The following UBAP1 variants were observed in gnomAD, a reference collection of about 807,000 sequenced individuals.
The protein encoded by UBAP1 is ubiquitin associated protein 1, also known as ubiquitin-associated protein 1.
Under a neutral mutation model 39.0 loss-of-function variants are expected in UBAP1, and 5 were observed. The ratio of observed to expected loss-of-function variants is 0.13; its 90% CI spans 0.07 to 0.27. UBAP1 has a LOEUF of 0.27. UBAP1 is among the 10% of genes least tolerant of loss of function. The pLI is 1.00. For synonymous variants in UBAP1, 211 were observed against 225.1 expected, an observed-to-expected ratio of 0.94 and a Z score of 0.56; for missense variants, 490 against 608.1, an observed-to-expected ratio of 0.81 and a Z score of 2.04.
rs573047191 is a variant in UBAP1, at chr9:34,213,669, A to G, written c.-7-7239A>G. On this transcript the variant is annotated intron_variant, in intron 1 of 6. Coordinates refer to ENST00000297661, the MANE Select transcript of UBAP1 (RefSeq NM_016525.5). ...CAACATAGTACTGGAAGTCCTAGCC[A>G]GAACATTCAGACAAGGGAAAGAAAG... Among the ~76,000 whole-genome samples, 17 of 152,324 alleles carry G rather than the reference A, an allele frequency of 1.1e-4. No individual in the cohort carries two copies. In the South Asian group the frequency reaches 3.5e-3, roughly 32 times the overall value.
At position 34,214,940 on chromosome 9, in the gene UBAP1, C is replaced by T. The variant is rs1040163842; in HGVS notation, c.-7-5968C>T. On this transcript the variant is annotated intron_variant, in intron 1 of 6. Coordinates refer to ENST00000297661, the MANE Select transcript of UBAP1 (RefSeq NM_016525.5). The stretch of plus-strand genomic sequence containing the variant: ...ACCACAATGTGATACCACCTTACTC[C>T]TGCAAGAATGGCCATAATAAAAAAA... Among the ~76,000 whole-genome samples the T allele has an allele frequency of 2.0e-5, 3 of 152,288 alleles. No individual in the cohort carries two copies. The East Asian group carries it at 5.8e-4, about 29-fold the overall frequency.
At chr9:34,225,935 C>G (rs1281417858) in intron 2 of UBAP1, among the ~76,000 whole-genome samples, 1 of 151,834 alleles carries the variant, frequency 6.6e-6, no homozygotes, top group Admixed American at 6.6e-5. Flanking sequence ...AAACTAGCCC[C>G]CCTCCTTAAA....
At chr9:34,246,890 T>A (rs1834205130) in intron 4 of UBAP1, among the ~76,000 whole-genome samples, 2 of 152,228 alleles carry the variant, frequency 1.3e-5, no homozygotes, top group Admixed American at 1.3e-4. Context: ...TCATAATAAT[T>A]CTCATTTTTG....
At chr9:34,220,368 C>T (rs1269338963) in intron 1 of UBAP1, 1 of 151,470 alleles carries the variant, frequency 6.6e-6, no homozygotes, top group African/African-American at 2.4e-5. Flanking sequence ...CAGGGTCTCG[C>T]TCTGTTGCCC....
intron 1 of UBAP1, among the ~76,000 whole-genome samples, chr9:34,205,286 C>G (rs1831622658): frequency 6.6e-6 from 1 of 152,166 alleles, no homozygotes; most frequent in African/African-American, 2.4e-5. Context: ...GCTGGGATTA[C>G]AGGCCTGAGC....
At chr9:34,218,794 G>T (rs1269437337) in intron 1 of UBAP1, among the ~76,000 whole-genome samples, 1 of 152,002 alleles carries the variant, frequency 6.6e-6, no homozygotes, top group Non-Finnish European at 1.5e-5. Context: ...TAATTAGCCG[G>T]GTGTGATGGC....
In UBAP1 at chr9:34,241,355, A is replaced by G. The variant is rs1423908739; in HGVS notation, c.330A>G (p.Thr110=). The G allele has an allele frequency of 6.5e-7, 1 of 1,540,330 alleles. No individual in the cohort carries two copies. The highest frequency in any genetic ancestry group is 8.7e-7 in the Non-Finnish European group (1 of 1,144,594). The change falls in exon 4 of 7, where the codon ACA becomes ACG. Residue 110 remains threonine, a synonymous_variant. Coordinates refer to ENST00000297661, the MANE Select transcript of UBAP1 (RefSeq NM_016525.5). ...SKMSFSKTHS[T]ATMPPPINPI... ...TGAGCTTCTCCAAGACTCACAGTAC[A>G]GCCACAATGCCACCTCCTATTAACC...
At chr9:34,179,372 G>A in intron 1 of UBAP1, 132 bp downstream of exon 1, 1 of 678,586 alleles carries the variant, frequency 1.5e-6, no homozygotes, top group Non-Finnish European at 2.1e-6. Flanking sequence ...AGGTGGGAGG[G>A]AAAAGTGGCC....
chr9:34,250,742 C>T lies in UBAP1; in HGVS notation c.1351C>T (p.Gln451Ter). The T allele has an allele frequency of 6.2e-7, 1 of 1,613,326 alleles. No individual in the cohort carries two copies. Among genetic ancestry groups the T allele is most frequent in the Non-Finnish European group, 8.5e-7 (1 of 1,179,394 alleles). The change falls in exon 6 of 7, where the codon CAG becomes TAG. Residue 451 changes from glutamine to a stop codon, truncating the protein, a stop_gained. Coordinates refer to ENST00000297661, the MANE Select transcript of UBAP1 (RefSeq NM_016525.5). LOFTEE classifies it high-confidence loss of function. The part of the protein sequence containing the change: ...LLVEEALEMH[Q>*]CSEEKMMEFL... The stretch of plus-strand genomic sequence containing the variant: ...AGTGGAAGAGGCTCTGGAAATGCAC[C>T]AGTGTTCAGAAGAAAAGGTGGGAAT...
At chr9:34,180,238 C>T (rs562675783) in intron 1 of UBAP1, among the ~76,000 whole-genome samples, 134 of 152,232 alleles carry the variant, frequency 8.8e-4, no homozygotes, top group African/African-American at 3.0e-3. Context: ...CCGTATTGGC[C>T]GGGCGCTGTG....
At chr9:34,228,418 A>C (rs1211483284) in intron 2 of UBAP1, among the ~76,000 whole-genome samples, 2 of 134,418 alleles carry the variant, frequency 1.5e-5, no homozygotes, top group African/African-American at 5.6e-5. Context: ...ACTTCATCTC[A>C]AAAAAAAAAA....
chr9:34,183,461 C>A (rs906504693), intron 1 of UBAP1, among the ~76,000 whole-genome samples: 1 of 150,598 alleles, frequency 6.6e-6, no homozygotes, highest in Non-Finnish European at 1.5e-5. Flanking sequence ...AGGAGAATGG[C>A]GTGAACCCGG....
At position 34,222,793 on chromosome 9, in the gene UBAP1, TCAAA is replaced by T. The variant is rs1004365805; in HGVS notation, c.34+1858_34+1861del. Among the ~76,000 whole-genome samples, 12 of 151,474 alleles carry T rather than the reference TCAAA, an allele frequency of 7.9e-5. 1 individual carries two copies. Among genetic ancestry groups the T allele is most frequent in the East Asian group, 5.9e-4 (3 of 5,102 alleles). ...AGCCAGAATCACATGAGAGCCTGTC[TCAAA>T]CAAACAAACAAAAAATGATTCTTGC... On this transcript the variant is annotated intron_variant, in intron 2 of 6. Transcript: ENST00000297661.
At chr9:34,212,392 A>AACACACACACACACACACACACAC (rs35251034) in intron 1 of UBAP1, among the ~76,000 whole-genome samples, 2 of 142,264 alleles carry the variant, frequency 1.4e-5, no homozygotes, top group East Asian at 2.1e-4. Flanking sequence ...TTTCTATTAA[A>AACACACACACACACACACACACAC]ACACACACAC....
chr9:34,224,295 T>A, intron 2 of UBAP1: 2 of 451,432 alleles, frequency 4.4e-6, no homozygotes, highest in Non-Finnish European at 8.2e-6. Context: ...TACGGTGTGC[T>A]GTCGATGAGT....
At position 34,222,670 on chromosome 9, in the gene UBAP1, G is replaced by A. The variant is rs1262877971; in HGVS notation, c.34+1722G>A. Among the ~76,000 whole-genome samples the A allele has an allele frequency of 2.0e-5, 3 of 151,974 alleles. No individual in the cohort carries two copies. The East Asian group carries it at 5.8e-4, about 29-fold the overall frequency. ...AAATTAGCTGGGTATGCTGGTATGTGCCTGTAGTCTCAGCTACTCGGGAGG... is the reference window on the plus strand; with the variant it reads ...AAATTAGCTGGGTATGCTGGTATGTACCTGTAGTCTCAGCTACTCGGGAGG... On this transcript the variant is annotated intron_variant, in intron 2 of 6. Transcript: ENST00000297661.
intron 2 of UBAP1, chr9:34,224,759 C>T (rs1365827638): frequency 2.8e-5 from 6 of 213,406 alleles, no homozygotes; most frequent in Non-Finnish European, 5.6e-5. Flanking sequence ...ATTGTGCAGG[C>T]ATGTGAGTAC....
At chr9:34,234,186 T>C (rs1587867893) in intron 2 of UBAP1, 30 bp from the exon 3 acceptor site, 8 of 1,578,710 alleles carry the variant, frequency 5.1e-6, no homozygotes, top group Non-Finnish European at 4.3e-6. Flanking sequence ...AGTTCTTTGC[T>C]GATATTTTCT....
chr9:34,224,096 A>G, intron 2 of UBAP1: 2 of 746,420 alleles, frequency 2.7e-6, no homozygotes, highest in Non-Finnish European at 4.2e-6. Flanking sequence ...GATGCACGCA[A>G]GAAGCTTGCC....
Sources: gnomAD v4.1 joint callset for allele counts (sites outside exome capture counted in the v4.1 genomes callset) on GRCh38, gnomAD v4.1.1 for gene constraint, MANE v1.5 for transcripts, NCBI Gene and HGNC (gene_info 2026-07-23, HGNC 2026-07-21) for gene names.